The following TMEM184B variants were observed in gnomAD, a reference collection of about 807,000 sequenced individuals.
The protein encoded by TMEM184B is transmembrane protein 184B.
In TMEM184B, 17 loss-of-function variants were observed where a neutral mutation model predicts 41.8. That is an observed-to-expected ratio of 0.41 (90% CI 0.28 to 0.61). The LOEUF (loss-of-function observed/expected upper bound fraction) is 0.61, where lower values mean the gene tolerates loss of function less well. TMEM184B is among the 20% of genes least tolerant of loss of function. TMEM184B has a pLI of 0.34. For missense variants in TMEM184B, 393 were observed against 557.8 expected, an observed-to-expected ratio of 0.70 and a Z score of 2.98; for synonymous variants, 240 against 229.5, an observed-to-expected ratio of 1.05 and a Z score of -0.41.
intron 1 of TMEM184B, among the ~76,000 whole-genome samples, chr22:38,249,401 C>T (rs1232568966): frequency 6.6e-6 from 1 of 152,192 alleles, no homozygotes; most frequent in African/African-American, 2.4e-5. Context: ...TCTCCTGTCT[C>T]ATCCTCCCAA....
chr22:38,255,313 C>T lies in TMEM184B; in HGVS notation c.-58-7294G>A, dbSNP rs541333892. Among the ~76,000 whole-genome samples the T allele has an allele frequency of 7.6e-4, 115 of 152,004 alleles. 4 individuals are homozygous for T. The South Asian group carries it at 0.017, about 23-fold the overall frequency. On this transcript the variant is annotated intron_variant, in intron 1 of 8. Coordinates refer to ENST00000361906, the MANE Select transcript of TMEM184B (RefSeq NM_012264.5). The stretch of plus-strand genomic sequence containing the variant: ...TGCTGGGATTACAGGCGTGAGCCAC[C>T]GCACCCGGCCTCATGGCCGGCTAAT...
chr22:38,240,652 C>A (rs2145653209), intron 3 of TMEM184B, among the ~76,000 whole-genome samples: 1 of 151,200 alleles, frequency 6.6e-6, no homozygotes, highest in Admixed American at 6.6e-5. Context: ...CAATGACTAT[C>A]CCACCTCCTG....
chr22:38,220,544 G>A lies in TMEM184B; in HGVS notation c.*925C>T. On this transcript the variant is annotated 3_prime_UTR_variant, in exon 9 of 9. Coordinates refer to ENST00000361906, the MANE Select transcript of TMEM184B (RefSeq NM_012264.5). ...GCCGGACTGCCTTCCCCCAGAAGCT[G>A]GTCTGAAACGTGGAGACTCAGACCT... 1.0e-6 allele frequency: 1 copy of A among 985,964 alleles called. No individual in the cohort carries two copies. The highest frequency in any genetic ancestry group is 1.2e-6 in the Non-Finnish European group (1 of 830,044). 61.1% of individuals were successfully genotyped at this position (985,964 alleles called of 1,614,324 possible).
At chr22:38,237,050 T>C (rs927677536) in intron 3 of TMEM184B, among the ~76,000 whole-genome samples, 2 of 152,148 alleles carry the variant, frequency 1.3e-5, no homozygotes, top group African/African-American at 2.4e-5. Context: ...TGGCAGCTCC[T>C]TGAGCCTGGG....
chr22:38,222,596 A>G, intron 8 of TMEM184B: 2 of 985,382 alleles, frequency 2.0e-6, no homozygotes, highest in Non-Finnish European at 2.4e-6. Context: ...GACAGTGACC[A>G]GAACTGACAT....
At chr22:38,255,964 T>G (rs1240180547) in intron 1 of TMEM184B, among the ~76,000 whole-genome samples, 1 of 152,194 alleles carries the variant, frequency 6.6e-6, no homozygotes, top group African/African-American at 2.4e-5. Flanking sequence ...GTGGTAGTGG[T>G]TACATGAATC....
intron 1 of TMEM184B, 183 bp downstream of exon 1, chr22:38,272,701 G>A (rs1281159783): frequency 2.0e-6 from 2 of 985,414 alleles, no homozygotes; most frequent in South Asian, 4.7e-5. Flanking sequence ...AGGCACGGGT[G>A]GGGAGACGGA....
downstream of TMEM184B, among the ~76,000 whole-genome samples, chr22:38,218,817 A>G (rs1182877619): frequency 6.6e-6 from 1 of 152,208 alleles, no homozygotes; most frequent in African/African-American, 2.4e-5. Flanking sequence ...CGTCAGCAGC[A>G]AGCCAGGCCC....
chr22:38,225,634 G>A lies in TMEM184B; in HGVS notation c.618-41C>T. ...CATTTTCTGGCTGGGACAGACCCTT[G>A]GAGGGAAGGGGCTCTCCTCGACTGC... On this transcript the variant is annotated intron_variant, in intron 6 of 8. Coordinates refer to ENST00000361906, the MANE Select transcript of TMEM184B (RefSeq NM_012264.5). The surrounding 1 kb of genome is among the most constrained non-coding windows in gnomAD (Gnocchi z 4.4). 1 of 1,570,760 alleles carries A rather than the reference G, an allele frequency of 6.4e-7. No homozygotes were observed.
At chr22:38,250,804 G>A (rs1023844133) in intron 1 of TMEM184B, among the ~76,000 whole-genome samples, 1 of 152,172 alleles carries the variant, frequency 6.6e-6, no homozygotes, top group African/African-American at 2.4e-5. Flanking sequence ...AGCCAGGGCT[G>A]GGATGTGGGT....
In TMEM184B at chr22:38,228,017, C is replaced by T. The variant is rs187708179; in HGVS notation, c.526-1147G>A. ...TCAACTAGTGTAGCTGCAAAGAGGA[C>T]GAGGAGCCTGGAGTGGGAACCGTGA... On this transcript the variant is annotated intron_variant, in intron 5 of 8. Transcript: ENST00000361906. Among the ~76,000 whole-genome samples, 5 of 152,244 alleles carry T rather than the reference C, an allele frequency of 3.3e-5. No homozygotes were observed. In the East Asian group the frequency reaches 9.7e-4, roughly 29 times the overall value.
rs769540681 is a variant in TMEM184B, at chr22:38,226,795, G to A, written c.601C>T (p.Arg201Trp). ...TVVLQAFGKY[R>W]DGDFDVTSGY... ...GCTGCTTACTCAAAGTCCCCATCCC[G>A]GTACTTGCCGAAGGCCTGGAGGACC... Residue 201 changes from arginine (R) to tryptophan (W), a missense_variant, in exon 6 of 9, where the codon CGG becomes TGG. Arg to Trp is a moderately radical substitution (Grantham distance 101). Coordinates refer to ENST00000361906, the MANE Select transcript of TMEM184B (RefSeq NM_012264.5). This position sits in a 1 kb window ranked among gnomAD's most constrained non-coding sequence, Gnocchi z 4.6. The A allele has an allele frequency of 7.5e-6, 12 of 1,603,240 alleles. No individual in the cohort carries two copies. The highest frequency in any genetic ancestry group is 1.7e-5 in the Admixed American group (1 of 58,400).
chr22:38,246,940 ACG>A, intron 2 of TMEM184B: 1 of 1,205,282 alleles, frequency 8.3e-7, no homozygotes, highest in South Asian at 1.3e-5. Flanking sequence ...AAAGCCTTGG[ACG>A]CAAATGGGTT....
In TMEM184B at chr22:38,239,977, C is replaced by T. The variant is rs924335314; in HGVS notation, c.358+5958G>A. Among the ~76,000 whole-genome samples, 4 of 151,380 alleles carry T rather than the reference C, an allele frequency of 2.6e-5. No individual in the cohort carries two copies. Among genetic ancestry groups the T allele is most frequent in the Non-Finnish European group, 5.9e-5 (4 of 67,920 alleles). ...TTTCTGGGGCGGGTAGAGATGAGGT[C>T]GAGGTCTCGCTCAGTTGCCCAGGCT... On this transcript the variant is annotated intron_variant, in intron 3 of 8. Coordinates refer to ENST00000361906, the MANE Select transcript of TMEM184B (RefSeq NM_012264.5). This position sits in a 1 kb window ranked among gnomAD's most constrained non-coding sequence, Gnocchi z 4.6.
Position 38,225,679 on chromosome 22 carries a change from G to A in TMEM184B, c.618-86C>T, listed in dbSNP as rs898930480. On this transcript the variant is annotated intron_variant, in intron 6 of 8. Coordinates refer to ENST00000361906, the MANE Select transcript of TMEM184B (RefSeq NM_012264.5). The surrounding 1 kb of genome is among the most constrained non-coding windows in gnomAD (Gnocchi z 4.4). ...GACTGCACCACACACAGTCCCCATGGCTCTCAGCCCCACACCTCCAGCAGA... is the reference window on the plus strand; with the variant it reads ...GACTGCACCACACACAGTCCCCATGACTCTCAGCCCCACACCTCCAGCAGA... 2.8e-6 allele frequency: 4 copies of A among 1,405,066 alleles called. No homozygotes were observed. The highest frequency in any genetic ancestry group is 3.8e-6 in the Non-Finnish European group (4 of 1,062,864). 87.0% of individuals were successfully genotyped at this position (1,405,066 alleles called of 1,614,324 possible).
At chr22:38,241,509 G>A in intron 3 of TMEM184B, among the ~76,000 whole-genome samples, 1 of 141,756 alleles carries the variant, frequency 7.1e-6, no homozygotes. Flanking sequence ...GCAACACAGT[G>A]AGACCTCATC....
Position 38,219,456 on chromosome 22 carries a change from T to C in TMEM184B, c.*2013A>G. 1 of 985,684 alleles carries C rather than the reference T, an allele frequency of 1.0e-6. No homozygotes were observed. The allele number at this position is 985,684 out of a possible 1,614,324, so 61.1% of individuals were successfully genotyped here. A position where few individuals can be genotyped will look rare whatever the true frequency, so the allele number is the denominator to read the frequency against. On this transcript the variant is annotated 3_prime_UTR_variant, in exon 9 of 9. Transcript: ENST00000361906. ...GATACAAAACTAGGAGACTCTGTCT[T>C]CTCATACATCATACAATTAATTTTT...
At chr22:38,251,497 GCCCAGAGC>G (rs2092161334) in intron 1 of TMEM184B, among the ~76,000 whole-genome samples, 2 of 152,180 alleles carry the variant, frequency 1.3e-5, no homozygotes, top group African/African-American at 2.4e-5. Context: ...CTGCTTGAAG[GCCCAGAGC>G]TCGCCTTGCT....
Position 38,226,722 on chromosome 22 carries a change from G to C in TMEM184B, c.617+57C>G. 2 of 1,522,690 alleles carry C rather than the reference G, an allele frequency of 1.3e-6. No individual in the cohort carries two copies. The highest frequency in any genetic ancestry group is 1.8e-6 in the Non-Finnish European group (2 of 1,122,076). The allele number at this position is 1,522,690 out of a possible 1,614,324, so 94.3% of individuals were successfully genotyped here. On this transcript the variant is annotated intron_variant, in intron 6 of 8. Transcript: ENST00000361906. The surrounding 1 kb of genome is among the most constrained non-coding windows in gnomAD (Gnocchi z 4.6). ...CTGGCTGCCCCCTTCCCTGAGCCAA[G>C]GCACCAGCCTGCGCCAACACTCCTC...
Sources: allele counts gnomAD v4.1 joint callset (sites outside exome capture counted in the v4.1 genomes callset), GRCh38; gene constraint gnomAD v4.1.1; non-coding constraint Gnocchi (gnomAD v3.1); transcripts MANE v1.5; gene names NCBI Gene and HGNC (gene_info 2026-07-23, HGNC 2026-07-21).